Variants in GRID1 observed in about 807,000 individuals in gnomAD.
The protein encoded by GRID1 is glutamate ionotropic receptor delta type subunit 1.
GRID1 carries 28 observed loss-of-function variants against 98.0 expected under a neutral mutation model. That is an observed-to-expected ratio of 0.29 (90% CI 0.21 to 0.39). The LOEUF is 0.39. Among genes scored for constraint, GRID1 ranks in the 10% least tolerant of loss-of-function variants. The pLI is 1.00. For missense variants in GRID1, 1,111 were observed against 1,340.5 expected, an observed-to-expected ratio of 0.83 and a Z score of 2.67; for synonymous variants, 553 against 538.5, an observed-to-expected ratio of 1.03 and a Z score of -0.37.
intron 4 of GRID1, among the ~76,000 whole-genome samples, chr10:86,110,518 G>A (rs1443625692): frequency 6.6e-6 from 1 of 152,192 alleles, no homozygotes; most frequent in Admixed American, 6.5e-5. Flanking sequence ...TGGGGGGAAA[G>A]CTGGGCATCA....
chr10:85,613,376 T>C (rs2132513946), intron 15 of GRID1, 31 bp downstream of exon 15: 3 of 1,595,738 alleles, frequency 1.9e-6, no homozygotes, highest in Non-Finnish European at 2.6e-6. Context: ...CTCTAGGCTG[T>C]GAAAGGGAGG....
intron 12 of GRID1, among the ~76,000 whole-genome samples, chr10:85,673,461 C>T (rs1320674475): frequency 6.6e-6 from 1 of 152,114 alleles, no homozygotes; most frequent in Non-Finnish European, 1.5e-5. Flanking sequence ...AAAGAAGAGT[C>T]AATTGATGTG....
chr10:86,295,657 C>T (rs949878979), intron 2 of GRID1, among the ~76,000 whole-genome samples: 2 of 152,176 alleles, frequency 1.3e-5, no homozygotes, highest in Non-Finnish European at 1.5e-5. Flanking sequence ...AAACTGGTCA[C>T]GTGGGTGTTC....
At chr10:86,182,184 G>C (rs1393205934) in intron 3 of GRID1, among the ~76,000 whole-genome samples, 1 of 152,126 alleles carries the variant, frequency 6.6e-6, no homozygotes, top group Non-Finnish European at 1.5e-5. Flanking sequence ...AGAATTCCAG[G>C]GTCTGCGGGT....
At chr10:86,002,091 C>T (rs1464568303) in intron 4 of GRID1, among the ~76,000 whole-genome samples, 1 of 152,204 alleles carries the variant, frequency 6.6e-6, no homozygotes, top group African/African-American at 2.4e-5. Flanking sequence ...ACAAGTCATA[C>T]TGGATTAGGA....
chr10:86,242,558 C>T (rs1846655079), intron 2 of GRID1, among the ~76,000 whole-genome samples: 2 of 152,170 alleles, frequency 1.3e-5, no homozygotes, highest in South Asian at 4.2e-4. Context: ...ACTTTTAAAA[C>T]TTTTGAAAGG....
At chr10:86,363,464 G>A (rs1271102932) in intron 2 of GRID1, among the ~76,000 whole-genome samples, 2 of 152,232 alleles carry the variant, frequency 1.3e-5, no homozygotes, top group African/African-American at 4.8e-5. Context: ...CGCCTACCAG[G>A]TTATGCCCGG....
chr10:85,794,637 T>C (rs1181991943), intron 8 of GRID1, among the ~76,000 whole-genome samples: 1 of 152,246 alleles, frequency 6.6e-6, no homozygotes, highest in African/African-American at 2.4e-5. Context: ...AATCTACCTT[T>C]GATGGGGGTT....
chr10:86,014,937 G>A (rs1842962713), intron 4 of GRID1, among the ~76,000 whole-genome samples: 1 of 152,170 alleles, frequency 6.6e-6, no homozygotes, highest in Non-Finnish European at 1.5e-5. Context: ...TCTGCCAGGA[G>A]CACCCTTTCT....
chr10:86,020,991 A>G (rs1288507152), intron 4 of GRID1, among the ~76,000 whole-genome samples: 1 of 152,194 alleles, frequency 6.6e-6, no homozygotes, highest in Non-Finnish European at 1.5e-5. Context: ...CTTGGAGACC[A>G]CTTTGCAAGG....
chr10:86,115,509 G>A (rs1371696775), intron 4 of GRID1, among the ~76,000 whole-genome samples: 3 of 152,186 alleles, frequency 2.0e-5, no homozygotes, highest in Non-Finnish European at 2.9e-5. Context: ...TGCTCTACAT[G>A]TCCTAACTTC....
At chr10:85,718,781 A>G (rs957422848) in intron 12 of GRID1, among the ~76,000 whole-genome samples, 1 of 152,198 alleles carries the variant, frequency 6.6e-6, no homozygotes, top group Non-Finnish European at 1.5e-5. Flanking sequence ...AAGGTCTCTG[A>G]CATGGCCTGG....
intron 3 of GRID1, among the ~76,000 whole-genome samples, chr10:86,168,143 G>A (rs1845429158): frequency 6.6e-6 from 1 of 152,366 alleles, no homozygotes. Flanking sequence ...GAGCCTGCAT[G>A]AGTGGACCTC....
chr10:86,254,835 A>G (rs559533675), intron 2 of GRID1, among the ~76,000 whole-genome samples: 1 of 152,362 alleles, frequency 6.6e-6, no homozygotes, highest in Admixed American at 6.5e-5. Flanking sequence ...TGGCTGAACC[A>G]GTGCCGGCTG....
At chr10:86,292,482 G>T (rs1201160832) in intron 2 of GRID1, among the ~76,000 whole-genome samples, 1 of 152,230 alleles carries the variant, frequency 6.6e-6, no homozygotes, top group African/African-American at 2.4e-5. Context: ...TACAGCAATT[G>T]TTGGTAAACT....
intron 2 of GRID1, among the ~76,000 whole-genome samples, chr10:86,270,355 C>A (rs774657778): frequency 4.6e-5 from 7 of 151,972 alleles, no homozygotes; most frequent in Non-Finnish European, 8.8e-5. Flanking sequence ...CTCTCCATTC[C>A]CTCCATCATT....
At chr10:85,808,792 C>G (rs1842644045) in intron 8 of GRID1, among the ~76,000 whole-genome samples, 1 of 152,082 alleles carries the variant, frequency 6.6e-6, no homozygotes, top group Non-Finnish European at 1.5e-5. Flanking sequence ...AAAGATGGTA[C>G]AACGTATCTC....
chr10:85,683,206 C>A (rs576484162), intron 12 of GRID1, among the ~76,000 whole-genome samples: 41 of 151,088 alleles, frequency 2.7e-4, no homozygotes, highest in African/African-American at 9.8e-4. Context: ...TATAGGCATG[C>A]AGAGAAAAAA....
intron 4 of GRID1, among the ~76,000 whole-genome samples, chr10:86,008,508 A>T (rs1374456624): frequency 6.6e-6 from 1 of 152,212 alleles, no homozygotes; most frequent in Non-Finnish European, 1.5e-5. Context: ...CTTATAATTG[A>T]CCATGAATTT....
Sources: allele counts gnomAD v4.1 joint callset (sites outside exome capture counted in the v4.1 genomes callset), GRCh38; gene constraint gnomAD v4.1.1; transcripts MANE v1.5; gene names NCBI Gene and HGNC (gene_info 2026-07-23, HGNC 2026-07-21).